Variants in PMFBP1 observed in about 807,000 individuals in gnomAD.
PMFBP1 encodes polyamine-modulated factor 1-binding protein 1.
Under a neutral mutation model 137.8 loss-of-function variants are expected in PMFBP1, and 131 were observed. The observed-to-expected ratio is 0.95, with a 90% CI of 0.82 to 1.10. The LOEUF (loss-of-function observed/expected upper bound fraction) is 1.10. Ranked by LOEUF, PMFBP1 falls within the 50% of genes least tolerant of loss-of-function variation. The probability of loss-of-function intolerance (pLI) is 0.00; values close to 1 mark genes in which losing one functional copy is unlikely to be tolerated. For synonymous variants in PMFBP1, 490 were observed against 450.4 expected, an observed-to-expected ratio of 1.09 and a Z score of -1.11; for missense variants, 1,199 against 1,175.4, an observed-to-expected ratio of 1.02 and a Z score of -0.29.
At chr16:72,248,997 C>CAGAGCTGTATATAATAAAAG in the PMFBP1 span, among the ~76,000 whole-genome samples, 25 of 151,966 alleles carry the variant, frequency 1.6e-4, no homozygotes, top group Non-Finnish European at 2.6e-4. Flanking sequence ...ATCTTGCTAA[C>CAGAGCTGTATATAATAAAAG]AGAGCTGTAT....
chr16:72,185,456 T>C, the PMFBP1 span, among the ~76,000 whole-genome samples: 1 of 152,204 alleles, frequency 6.6e-6, no homozygotes, highest in African/African-American at 2.4e-5. Context: ...GCTATGTGCA[T>C]TATTCCATTT....
At chr16:72,145,637 A>G (rs1269645351) in intron 5 of PMFBP1, among the ~76,000 whole-genome samples, 1 of 152,160 alleles carries the variant, frequency 6.6e-6, no homozygotes, top group African/African-American at 2.4e-5. Context: ...TGCTAGCCAG[A>G]CTAATAAAGA....
rs1418331060 is a variant in PMFBP1 at position 72,123,670 on chromosome 16, G to C, written c.2590-21C>G. 3 of 1,605,142 alleles carry C rather than the reference G, an allele frequency of 1.9e-6. No homozygotes were observed. In the Admixed American group the frequency reaches 5.0e-5, roughly 27 times the overall value. On this transcript the variant is annotated intron_variant, in intron 17 of 20. Coordinates refer to ENST00000237353, the MANE Select transcript of PMFBP1 (RefSeq NM_031293.3). The stretch of plus-strand genomic sequence containing the variant: ...CAGGGCTTGGGTACAAGAAGAAAAC[G>C]AGACAGTCAGAGGTGGGAGCACAGG...
chr16:72,127,446 T>G (rs1433449864), intron 14 of PMFBP1, among the ~76,000 whole-genome samples: 1 of 152,202 alleles, frequency 6.6e-6, no homozygotes, highest in Non-Finnish European at 1.5e-5. Flanking sequence ...GGAGAAACTA[T>G]AATTCACTGT....
the PMFBP1 span, among the ~76,000 whole-genome samples, chr16:72,208,774 A>T: frequency 6.6e-6 from 1 of 152,224 alleles, no homozygotes; most frequent in Non-Finnish European, 1.5e-5. Context: ...AAAGAAATAC[A>T]GGGAAGTACA....
At chr16:72,219,252 C>A in the PMFBP1 span, among the ~76,000 whole-genome samples, 3 of 152,074 alleles carry the variant, frequency 2.0e-5, no homozygotes, top group Admixed American at 2.0e-4. Flanking sequence ...AGGAGAGAAT[C>A]GCTGTAGGGC....
chr16:72,202,679 G>A, the PMFBP1 span, among the ~76,000 whole-genome samples: 2 of 152,192 alleles, frequency 1.3e-5, no homozygotes, highest in Non-Finnish European at 2.9e-5. Context: ...CACTAGCTCT[G>A]GTGCCAATCT....
intron 14 of PMFBP1, among the ~76,000 whole-genome samples, chr16:72,127,801 C>G (rs2042484362): frequency 6.6e-6 from 1 of 152,214 alleles, no homozygotes; most frequent in African/African-American, 2.4e-5. Context: ...AGACATACAA[C>G]TTTTCCATCA....
At chr16:72,238,803 A>C in the PMFBP1 span, among the ~76,000 whole-genome samples, 39 of 152,296 alleles carry the variant, frequency 2.6e-4, no homozygotes, top group East Asian at 7.2e-3. Flanking sequence ...TTTCAACCAG[A>C]GGTGATCTTG....
upstream of PMFBP1, among the ~76,000 whole-genome samples, chr16:72,175,794 T>C (rs1458812430): frequency 6.6e-6 from 1 of 152,200 alleles, no homozygotes; most frequent in Non-Finnish European, 1.5e-5. Flanking sequence ...GTGTGATGAA[T>C]CTTAGAGCTC....
chr16:72,200,141 T>A, the PMFBP1 span, among the ~76,000 whole-genome samples: 1 of 152,196 alleles, frequency 6.6e-6, no homozygotes, highest in South Asian at 2.1e-4. Flanking sequence ...CCAAACAGGC[T>A]CACTCCACTG....
chr16:72,216,465 A>G, the PMFBP1 span, among the ~76,000 whole-genome samples: 1 of 152,194 alleles, frequency 6.6e-6, no homozygotes, highest in Non-Finnish European at 1.5e-5. Context: ...GAAAGAAAAG[A>G]ACCAGAACAT....
upstream of PMFBP1, among the ~76,000 whole-genome samples, chr16:72,178,409 A>C (rs969287323): frequency 1.3e-5 from 2 of 152,182 alleles, no homozygotes; most frequent in African/African-American, 4.8e-5. Flanking sequence ...GTTTTTCTTC[A>C]AACTGTCACC....
intron 2 of PMFBP1, among the ~76,000 whole-genome samples, chr16:72,170,722 G>A (rs2043208757): frequency 6.6e-6 from 1 of 152,136 alleles, no homozygotes; most frequent in Non-Finnish European, 1.5e-5. Context: ...TTGAGTCACT[G>A]CGCCTGGCCC....
intron 10 of PMFBP1, 64 bp downstream of exon 10, chr16:72,132,684 C>T (rs1262428267): frequency 6.3e-7 from 1 of 1,597,060 alleles, no homozygotes; most frequent in South Asian, 1.1e-5. Context: ...GAGAAGGTGG[C>T]TGCTCTAGGG....
At chr16:72,211,592 A>C in the PMFBP1 span, among the ~76,000 whole-genome samples, 2 of 152,230 alleles carry the variant, frequency 1.3e-5, no homozygotes, top group African/African-American at 4.8e-5. Context: ...ACAGAAAATA[A>C]ACTTAAAAAA....
At chr16:72,119,824 TA>T (rs1289119132) in intron 20 of PMFBP1, 26 bp downstream of exon 20, 4 of 1,605,900 alleles carry the variant, frequency 2.5e-6, no homozygotes, top group Admixed American at 1.7e-5. Context: ...AAATCACACT[TA>T]TTTTTTTGAC....
At chr16:72,131,686 A>G (rs1302902606) in intron 10 of PMFBP1, among the ~76,000 whole-genome samples, 1 of 152,218 alleles carries the variant, frequency 6.6e-6, no homozygotes, top group Non-Finnish European at 1.5e-5. Context: ...TGTGGGAGAA[A>G]GACGGACCCG....
chr16:72,194,470 T>C, the PMFBP1 span, among the ~76,000 whole-genome samples: 1 of 152,238 alleles, frequency 6.6e-6, no homozygotes, highest in East Asian at 1.9e-4. Context: ...TGGGCCTTTG[T>C]GGCTTAACTG....
Sources: allele counts gnomAD v4.1 joint callset (sites outside exome capture counted in the v4.1 genomes callset), GRCh38; gene constraint gnomAD v4.1.1; transcripts MANE v1.5; gene names NCBI Gene and HGNC (gene_info 2026-07-23, HGNC 2026-07-21).